Variants in FLG observed in about 807,000 individuals in gnomAD.
FLG encodes filaggrin.
A neutral mutation model predicts 3.8 loss-of-function variants in FLG; 6 were observed. The ratio of observed to expected loss-of-function variants is 1.60; its 90% CI spans 0.87 to 3.15. The LOEUF is 3.15. Ranked by LOEUF, FLG falls within the 30% of genes most tolerant of loss-of-function variation. The pLI, the probability that FLG is intolerant of heterozygous loss-of-function variation, is 0.00. For synonymous variants in FLG, 2,551 were observed against 1,931.6 expected, an observed-to-expected ratio of 1.32 and a Z score of -8.41; for missense variants, 7,595 against 5,050.9, an observed-to-expected ratio of 1.50 and a Z score of -15.27.
chr1:152,319,042 C>T (rs1403815068), intron 1 of FLG, among the ~76,000 whole-genome samples: 2 of 151,658 alleles, frequency 1.3e-5, no homozygotes, highest in African/African-American at 4.8e-5. Flanking sequence ...AGATGAAAAT[C>T]AGCTTGTCAT....
rs769165371 is a variant in FLG at position 152,311,879 on chromosome 1, TG to T, written c.3006del (p.Arg1003AspfsTer119). 3.7e-6 allele frequency: 6 copies of T among 1,614,184 alleles called. No homozygotes were observed. The highest frequency in any genetic ancestry group is 8.5e-7 in the Non-Finnish European group (1 of 1,180,022). On this transcript the variant is annotated frameshift_variant, in exon 3 of 3. Coordinates refer to ENST00000368799, the MANE Select transcript of FLG (RefSeq NM_002016.2). LOFTEE classifies it low-confidence loss of function (END_TRUNC). ...TCTGCGTGAGGAGTTCCTGATTGTC[TG>T]GAGCTGTCTGCAGAGTGCCCGTGAC... ...RAGHGHSADS[S>X]RQSGTPHAET... is the part of the protein sequence containing the mutation.
chr1:152,309,339 C>A lies in FLG; in HGVS notation c.5547G>T (p.Gln1849His). The change falls in exon 3 of 3, where the codon CAG becomes CAT. Residue 1849 changes from glutamine to histidine, a missense_variant. Coordinates refer to ENST00000368799, the MANE Select transcript of FLG (RefSeq NM_002016.2). ...GCCCACGGGAGACATCAGACCTTTC[C>A]TGGGACGTGGTGTGGCTGTGATGAG... ...SGSHHSHTTS[Q>H]ERSDVSRGQS... is the part of the protein sequence containing the mutation. 27 of 1,613,902 alleles carry A rather than the reference C, an allele frequency of 1.7e-5. No homozygotes were observed. The highest frequency in any genetic ancestry group is 2.3e-5 in the Non-Finnish European group (27 of 1,180,000).
At chr1:152,322,224 T>C (rs1329715873) in intron 1 of FLG, among the ~76,000 whole-genome samples, 1 of 151,166 alleles carries the variant, frequency 6.6e-6, no homozygotes, top group Non-Finnish European at 1.5e-5. Context: ...ATATATACTA[T>C]GTATAGTATC....
At position 152,311,975 on chromosome 1, in the gene FLG, G is replaced by A; in HGVS notation, c.2911C>T (p.Arg971Cys). ...CTTGACTGCTCCTGAGCAGATCCAC[G>A]ATGGTTTCTGGAAGCAGACCCAGAC... The part of the protein sequence containing the change: ...RWSGSASRNH[R>C]GSAQEQSRHG... Residue 971 changes from arginine to cysteine, a missense_variant, in exon 3 of 3, where the codon CGT becomes TGT. Arg to Cys is a radical substitution (Grantham distance 180). Transcript: ENST00000368799. The A allele has an allele frequency of 6.2e-7, 1 of 1,613,980 alleles. No homozygotes were observed.
Position 152,304,868 on chromosome 1 carries a change from C to T in FLG, c.10018G>A (p.Ala3340Thr). The T allele has an allele frequency of 3.1e-6, 5 of 1,613,856 alleles. No homozygotes were observed. The highest frequency in any genetic ancestry group is 3.4e-6 in the Non-Finnish European group (4 of 1,179,962). ...SRHWGSSGSQ[A>T]SDSEGHSEES... is the part of the protein sequence containing the mutation. ...TCTGAATGTCCCTCACTATCACTGGCCTGACTACCACTGGACCCCCAGTGT... is the reference window on the plus strand; with the variant it reads ...TCTGAATGTCCCTCACTATCACTGGTCTGACTACCACTGGACCCCCAGTGT... The change falls in exon 3 of 3, where the codon GCC becomes ACC. Residue 3340 changes from alanine to threonine, a missense_variant. By Grantham distance (58) the Ala-to-Thr change is moderately conservative. Coordinates refer to ENST00000368799, the MANE Select transcript of FLG (RefSeq NM_002016.2).
At chr1:152,321,119 C>CAT (rs1471047745) in intron 1 of FLG, among the ~76,000 whole-genome samples, 2 of 150,252 alleles carry the variant, frequency 1.3e-5, no homozygotes, top group South Asian at 2.1e-4. Flanking sequence ...TAAACACATA[C>CAT]ATATATATAT....
Position 152,310,584 on chromosome 1 carries a change from G to A in FLG, c.4302C>T (p.Ser1434=), listed in dbSNP as rs201565622. 27 of 1,613,800 alleles carry A rather than the reference G, an allele frequency of 1.7e-5. No individual in the cohort carries two copies. The highest frequency in any genetic ancestry group is 4.4e-5 in the South Asian group (4 of 91,056). The part of the protein sequence containing the change: ...KESARGQSGE[S]SGRSRSFLYQ... The stretch of plus-strand genomic sequence containing the variant: ...AGAGGAAAGACCTTGAACGTCCAGA[G>A]CTTTCCCCTGACTGGCCACGTGCGG... Residue 1434 remains serine (S), a synonymous_variant, in exon 3 of 3, where the codon AGC becomes AGT. Transcript: ENST00000368799.
rs774093354 is a variant in FLG, at chr1:152,313,659, G to T, written c.1227C>A (p.Val409=). 2 of 1,614,110 alleles carry T rather than the reference G, an allele frequency of 1.2e-6. No individual in the cohort carries two copies. Among genetic ancestry groups the T allele is most frequent in the South Asian group, 2.2e-5 (2 of 91,068 alleles). The part of the protein sequence containing the change: ...ATGRGQASSA[V]SDRGHRGSSG... ...TAGACCCCCGGTGTCCACGATCGCTGACTGCAGATGAAGCTTGCCCGCGCC... is the reference window on the plus strand; with the variant it reads ...TAGACCCCCGGTGTCCACGATCGCTTACTGCAGATGAAGCTTGCCCGCGCC... Residue 409 remains valine, a synonymous_variant, in exon 3 of 3, where the codon GTC becomes GTA. Transcript: ENST00000368799.
chr1:152,310,081 C>T lies in FLG; in HGVS notation c.4805G>A (p.Gly1602Glu). 3.7e-6 allele frequency: 6 copies of T among 1,613,988 alleles called. No homozygotes were observed. The highest frequency in any genetic ancestry group is 5.1e-6 in the Non-Finnish European group (6 of 1,179,996). ...CCGCCTCTCAGAGTCTTCTGAGTGTCCCTCACTGTCCCTGTCCTGACTAAC... is the reference window on the plus strand; with the variant it reads ...CCGCCTCTCAGAGTCTTCTGAGTGTTCCTCACTGTCCCTGTCCTGACTAAC... ...SSVSQDRDSE[G>E]HSEDSERRSE... Residue 1602 changes from glycine to glutamate, a missense_variant, in exon 3 of 3, where the codon GGA becomes GAA. By Grantham distance (98) the Gly-to-Glu change is moderately conservative (BLOSUM62 -2). Transcript: ENST00000368799.
At chr1:152,323,944 G>A (rs1653062506) in intron 1 of FLG, among the ~76,000 whole-genome samples, 1 of 151,798 alleles carries the variant, frequency 6.6e-6, no homozygotes, top group South Asian at 2.1e-4. Flanking sequence ...AATAGTCAGT[G>A]TTGGGAGATG....
At position 152,313,449 on chromosome 1, in the gene FLG, G is replaced by T; in HGVS notation, c.1437C>A (p.Asp479Glu). 6.2e-7 allele frequency: 1 copy of T among 1,613,738 alleles called. No individual in the cohort carries two copies. Among genetic ancestry groups the T allele is most frequent in the Non-Finnish European group, 8.5e-7 (1 of 1,179,982 alleles). Reference protein sequence around the residue: ...LYQVSTHEQPDSAHGRTGTST... With the variant: ...LYQVSTHEQPESAHGRTGTST... ...TGGTCCCGGTCCGTCCATGGGCAGA[G>T]TCAGGCTGTTCATGAGTGCTCACCT... The change falls in exon 3 of 3, where the codon GAC becomes GAA. Residue 479 changes from aspartate (D) to glutamate (E), a missense_variant. Physicochemically the swap from Asp to Glu is conservative, Grantham distance 45. Coordinates refer to ENST00000368799, the MANE Select transcript of FLG (RefSeq NM_002016.2).
chr1:152,304,634 C>A lies in FLG; in HGVS notation c.10252G>T (p.Ala3418Ser). 6.2e-7 allele frequency: 1 copy of A among 1,612,512 alleles called. No homozygotes were observed. Among genetic ancestry groups the A allele is most frequent in the Non-Finnish European group, 8.5e-7 (1 of 1,179,538 alleles). The change falls in exon 3 of 3, where the codon GCA becomes TCA. Residue 3418 changes from alanine to serine, a missense_variant. Ala to Ser is a moderately conservative substitution (Grantham distance 99). Transcript: ENST00000368799. The part of the protein sequence containing the change: ...GRRQGSHHEQ[A>S]RDSSRHSASQ... ...GCTGAGTGCCTGGAGCTGTCTCGTG[C>A]CTGCTCGTGGTGGGATCCTTGTCTT...
In FLG at chr1:152,304,648, G is replaced by A; in HGVS notation, c.10238C>T (p.Ser3413Phe). Residue 3413 changes from serine (S) to phenylalanine (F), a missense_variant, in exon 3 of 3, where the codon TCC becomes TTC. Transcript: ENST00000368799. ...TRTSTGRRQG[S>F]HHEQARDSSR... Reference sequence around the variant, plus strand: ...GCTGTCTCGTGCCTGCTCGTGGTGGGATCCTTGTCTTCGTCCAGTGCTGGT... The same window carrying A: ...GCTGTCTCGTGCCTGCTCGTGGTGGAATCCTTGTCTTCGTCCAGTGCTGGT... The A allele has an allele frequency of 6.2e-7, 1 of 1,612,256 alleles. No homozygotes were observed. Among genetic ancestry groups the A allele is most frequent in the Middle Eastern group, 1.7e-4 (1 of 6,052 alleles).
At position 152,309,982 on chromosome 1, in the gene FLG, G is replaced by T. The variant is rs1366811984; in HGVS notation, c.4904C>A (p.Ser1635Tyr). Residue 1635 changes from serine to tyrosine, a missense_variant, in exon 3 of 3, where the codon TCC (serine) becomes TAC (tyrosine). Physicochemically the swap from Ser to Tyr is moderately radical, Grantham distance 144 (BLOSUM62 -2). Transcript: ENST00000368799. ...ATGACTGGCTCTATCTTCTTGATGG[G>T]ACCTGGGGTTCCTGGAGCCATGTCT... ...QSRHGSRNPR[S>Y]HQEDRASHGH... 6.2e-7 allele frequency: 1 copy of T among 1,613,986 alleles called. No individual in the cohort carries two copies. Among genetic ancestry groups the T allele is most frequent in the East Asian group, 2.2e-5 (1 of 44,848 alleles).
rs757949828 is a variant in FLG, at chr1:152,310,662, C to A, written c.4224G>T (p.Gln1408His). ...SEGHSEDSDT[Q>H]SVSAHGQAGP... ...CAGCTTGTCCGTGGGCTGACACTGA[C>A]TGTGTGTCTGAGTCTTCTGAATGTC... is the stretch of plus-strand genomic sequence containing the variant. Residue 1408 changes from glutamine to histidine, a missense_variant, in exon 3 of 3, where the codon CAG (glutamine) becomes CAT (histidine). Coordinates refer to ENST00000368799, the MANE Select transcript of FLG (RefSeq NM_002016.2). The A allele has an allele frequency of 1.2e-6, 2 of 1,614,052 alleles. No homozygotes were observed. The highest frequency in any genetic ancestry group is 3.3e-5 in the Admixed American group (2 of 60,016).
Position 152,307,101 on chromosome 1 carries a change from A to G in FLG, c.7785T>C (p.Ala2595=). The G allele has an allele frequency of 6.2e-7, 1 of 1,610,670 alleles. No individual in the cohort carries two copies. The highest frequency in any genetic ancestry group is 8.5e-7 in the Non-Finnish European group (1 of 1,179,646). The change falls in exon 3 of 3, where the codon GCT becomes GCC. Residue 2595 remains alanine (A), a synonymous_variant. Transcript: ENST00000368799. ...GSASRNHHGS[A]QEQLRDGSRH... Reference sequence around the variant, plus strand: ...TGGAGCCATCTCTTAGCTGCTCCTGAGCAGATCCATGATGGTTTCTGGAAG... The same window carrying G: ...TGGAGCCATCTCTTAGCTGCTCCTGGGCAGATCCATGATGGTTTCTGGAAG...
chr1:152,310,281 T>C lies in FLG; in HGVS notation c.4605A>G (p.Ser1535=). 6.2e-7 allele frequency: 1 copy of C among 1,613,926 alleles called. No homozygotes were observed. Residue 1535 remains serine (S), a synonymous_variant, in exon 3 of 3, where the codon TCA becomes TCG. Transcript: ENST00000368799. The stretch of plus-strand genomic sequence containing the variant: ...TTTGCCTGCTTGCACTTCTGGGTCC[T>C]GACTGCCCATGGGAGGCATCAGACC... ...QGRSDASHGQ[S]GPRSASRQTR...
rs55650366 is a variant in FLG at position 152,307,444 on chromosome 1, A to C, written c.7442T>G (p.Leu2481Trp). Residue 2481 changes from leucine to tryptophan, a missense_variant, in exon 3 of 3, where the codon TTG becomes TGG. Transcript: ENST00000368799. ...GGRQGSHYEQLVDRSGHSGSH... is the reference protein window; with the variant it reads ...GGRQGSHYEQWVDRSGHSGSH... Reference sequence around the variant, plus strand: ...CCCTGAGTGTCCAGATCTATCTACCAATTGCTCGTAGTGGGATCCCTGCCT... The same window carrying C: ...CCCTGAGTGTCCAGATCTATCTACCCATTGCTCGTAGTGGGATCCCTGCCT... 3.1e-6 allele frequency: 5 copies of C among 1,612,504 alleles called. No individual in the cohort carries two copies. The highest frequency in any genetic ancestry group is 2.7e-5 in the African/African-American group (2 of 74,366).
chr1:152,320,749 A>G (rs1652936225), intron 1 of FLG, among the ~76,000 whole-genome samples: 1 of 151,108 alleles, frequency 6.6e-6, no homozygotes, highest in East Asian at 1.9e-4. Context: ...ACTGCAGAAT[A>G]TCCATTCTTT....
Sources: gnomAD v4.1 joint callset for allele counts (sites outside exome capture counted in the v4.1 genomes callset) on GRCh38, gnomAD v4.1.1 for gene constraint, MANE v1.5 for transcripts, NCBI Gene and HGNC (gene_info 2026-07-23, HGNC 2026-07-21) for gene names.